MAPK10: variants seen among roughly 807,000 people sequenced by gnomAD.
The protein encoded by MAPK10 is mitogen-activated protein kinase 10.
Under a neutral mutation model 59.3 loss-of-function variants are expected in MAPK10, and 25 were observed. That is an observed-to-expected ratio of 0.42 (90% CI 0.31 to 0.59). MAPK10 has a LOEUF of 0.59. Ranked by LOEUF, MAPK10 falls within the 20% of genes least tolerant of loss-of-function variation. The pLI, the probability that MAPK10 is intolerant of heterozygous loss-of-function variation, is 0.15. For missense variants in MAPK10, 351 were observed against 568.9 expected (o/e 0.62, Z 3.90); for synonymous variants, 190 against 200.5 (o/e 0.95, Z 0.44).
intron 13 of MAPK10, among the ~76,000 whole-genome samples, chr4:86,021,835 C>T (rs1159548662): frequency 6.6e-6 from 1 of 152,264 alleles, no homozygotes; most frequent in African/African-American, 2.4e-5. Flanking sequence ...ACACCTTCCG[C>T]AGCCACTGGC....
intron 4 of MAPK10, among the ~76,000 whole-genome samples, chr4:86,141,223 G>A (rs891927043): frequency 1.3e-5 from 2 of 152,166 alleles, no homozygotes; most frequent in African/African-American, 4.8e-5. Context: ...AAAGGATATA[G>A]TTTACAAAAA....
At chr4:86,261,085 T>C (rs900433567) in intron 2 of MAPK10, among the ~76,000 whole-genome samples, 1 of 152,198 alleles carries the variant, frequency 6.6e-6, no homozygotes, top group South Asian at 2.1e-4. Context: ...TAATCCATTT[T>C]TCATGACACA....
At chr4:86,402,070 G>T (rs1035820776) in intron 1 of MAPK10, among the ~76,000 whole-genome samples, 12 of 152,056 alleles carry the variant, frequency 7.9e-5, no homozygotes, top group African/African-American at 2.7e-4. Context: ...AACAAGGAAG[G>T]TCATACCTAA....
chr4:86,126,949 A>G (rs996022786), intron 4 of MAPK10, among the ~76,000 whole-genome samples: 1 of 151,872 alleles, frequency 6.6e-6, no homozygotes, highest in Non-Finnish European at 1.5e-5. Flanking sequence ...CTCTAATTCT[A>G]TTTCCATCAC....
At chr4:86,148,709 G>A (rs1365627807) in intron 4 of MAPK10, among the ~76,000 whole-genome samples, 3 of 152,178 alleles carry the variant, frequency 2.0e-5, no homozygotes, top group Non-Finnish European at 1.5e-5. Flanking sequence ...GAAATACATC[G>A]TGAAGGGCAA....
intron 2 of MAPK10, among the ~76,000 whole-genome samples, chr4:86,324,485 G>A (rs2095976353): frequency 6.6e-6 from 1 of 152,004 alleles, no homozygotes; most frequent in Non-Finnish European, 1.5e-5. Flanking sequence ...ATAGTTACTA[G>A]AAGGGGGTGT....
At chr4:86,529,071 G>A (rs1373117551) in intron 1 of MAPK10, among the ~76,000 whole-genome samples, 1 of 152,174 alleles carries the variant, frequency 6.6e-6, no homozygotes, top group Non-Finnish European at 1.5e-5. Flanking sequence ...GGGAAAGGGA[G>A]AAAGGAGAAA....
Position 86,031,419 on chromosome 4 carries a change from T to C in MAPK10, c.1123A>G (p.Ile375Val). 6.2e-7 allele frequency: 1 copy of C among 1,612,530 alleles called. No homozygotes were observed. Among genetic ancestry groups the C allele is most frequent in the Non-Finnish European group, 8.5e-7 (1 of 1,178,904 alleles). The change falls in exon 12 of 14, where the codon ATA (isoleucine) becomes GTA (valine). Residue 375 changes from isoleucine (I) to valine (V), a missense_variant. Transcript: ENST00000641462. The part of the protein sequence containing the change: ...PAEVEAPPPQ[I>V]YDKQLDEREH... ...CTTTCATCCAACTGCTTGTCATATA[T>C]CTGAGGTGGAGGCTGCCGAATAAAA...
chr4:86,300,881 T>C (rs1214188213), intron 2 of MAPK10: 1 of 144,416 alleles, frequency 6.9e-6, no homozygotes, highest in African/African-American at 2.5e-5. Flanking sequence ...GAGATCAAAT[T>C]GTTAAAGTAT....
chr4:86,133,878 T>G (rs183946689), intron 4 of MAPK10, among the ~76,000 whole-genome samples: 1 of 152,222 alleles, frequency 6.6e-6, no homozygotes, highest in African/African-American at 2.4e-5. Context: ...CCATAAATAA[T>G]GATTCTCGGG....
At chr4:86,533,220 A>G (rs775338076) in intron 1 of MAPK10, among the ~76,000 whole-genome samples, 9 of 152,174 alleles carry the variant, frequency 5.9e-5, no homozygotes, top group Non-Finnish European at 1.2e-4. Flanking sequence ...AGAGAGAGAA[A>G]GTAAAACACT....
intron 12 of MAPK10, among the ~76,000 whole-genome samples, chr4:86,030,137 G>A (rs1050369231): frequency 6.6e-6 from 1 of 151,746 alleles, no homozygotes; most frequent in African/African-American, 2.4e-5. Flanking sequence ...CTATTCATGA[G>A]CCCCTAAGGA....
At chr4:86,576,631 G>A (rs534110412) in intron 1 of MAPK10, among the ~76,000 whole-genome samples, 38 of 151,992 alleles carry the variant, frequency 2.5e-4, no homozygotes, top group Non-Finnish European at 3.7e-4. Flanking sequence ...AAAATTAGCC[G>A]GGCGCGGTGG....
intron 1 of MAPK10, among the ~76,000 whole-genome samples, chr4:86,451,428 A>G (rs1280854004): frequency 6.6e-6 from 1 of 152,240 alleles, no homozygotes; most frequent in Non-Finnish European, 1.5e-5. Context: ...AACATGAAGA[A>G]TAACGGCCAA....
At position 86,172,785 on chromosome 4, in the gene MAPK10, T is replaced by TA. The variant is rs140301897; in HGVS notation, c.67-13319dup. Among the ~76,000 whole-genome samples the TA allele has an allele frequency of 5.0e-3, 728 of 144,202 alleles. 3 individuals are homozygous for TA. The highest frequency in any genetic ancestry group is 0.017 in the African/African-American group (678 of 39,738). The allele number at this position is 144,202 out of a possible 152,430, so 94.6% of individuals were successfully genotyped here. On this transcript the variant is annotated intron_variant, in intron 3 of 13. Transcript: ENST00000641462. ...AAATAAAAATAAATAAGTAAAAAATTAAAAAAAAAAGTTACAAGCATTCCT... is the reference window on the plus strand; with the variant it reads ...AAATAAAAATAAATAAGTAAAAAATTAAAAAAAAAAAGTTACAAGCATTCCT...
chr4:86,096,642 T>C (rs2054277620), intron 9 of MAPK10, among the ~76,000 whole-genome samples: 1 of 151,936 alleles, frequency 6.6e-6, no homozygotes. Context: ...ATTGAGAGGT[T>C]CCTTTTTTGT....
At chr4:86,331,514 G>A (rs2096153508) in intron 2 of MAPK10, among the ~76,000 whole-genome samples, 1 of 151,960 alleles carries the variant, frequency 6.6e-6, no homozygotes, top group Non-Finnish European at 1.5e-5. Context: ...GTCAGAATAG[G>A]CCCAAACTGG....
rs113033623 is a variant in MAPK10 at position 86,167,521 on chromosome 4, C to T, written c.67-8054G>A. ...AACATATCAAAAAGCTTATCCTACA[C>T]AATCGAGTCGGCTTCATCCCTGGGA... On this transcript the variant is annotated intron_variant, in intron 3 of 13. Coordinates refer to ENST00000641462, the MANE Select transcript of MAPK10 (RefSeq NM_138982.4). Among the ~76,000 whole-genome samples the T allele has an allele frequency of 2.3e-4, 35 of 152,302 alleles. No individual in the cohort carries two copies. In the Middle Eastern group the frequency reaches 0.01, roughly 44 times the overall value.
At chr4:86,042,771 AAAAGAGGGGAAGAAATGAAC>A (rs937342553) in intron 11 of MAPK10, among the ~76,000 whole-genome samples, 17 of 152,246 alleles carry the variant, frequency 1.1e-4, no homozygotes, top group Non-Finnish European at 2.5e-4. Context: ...AAAAGACAAA[AAAAGAGGGGAAGAAATGAAC>A]AAAGAACCTA....
Sources: gnomAD v4.1 joint callset for allele counts (sites outside exome capture counted in the v4.1 genomes callset) on GRCh38, gnomAD v4.1.1 for gene constraint, MANE v1.5 for transcripts, NCBI Gene and HGNC (gene_info 2026-07-23, HGNC 2026-07-21) for gene names.